Variants in RIPOR2 observed in about 807,000 individuals in gnomAD.
The protein encoded by RIPOR2 is RHO family interacting cell polarization regulator 2.
Under a neutral mutation model 114.5 loss-of-function variants are expected in RIPOR2, and 39 were observed. The observed-to-expected ratio is 0.34, with a 90% confidence interval of 0.26 to 0.44. The LOEUF is 0.44. RIPOR2 is among the 20% of genes least tolerant of loss of function. The pLI is 1.00. For missense variants in RIPOR2, 1,007 were observed against 1,255.1 expected (o/e 0.80, Z 2.99); for synonymous variants, 445 against 484.4 (o/e 0.92, Z 1.07).
At chr6:24,973,098 A>G (rs575843822) in intron 1 of RIPOR2, among the ~76,000 whole-genome samples, 112 of 152,254 alleles carry the variant, frequency 7.4e-4, no homozygotes, top group African/African-American at 2.5e-3. Context: ...GAAAGCATCT[A>G]TTAACATATA....
At chr6:24,906,652 T>C (rs1228198857) in intron 1 of RIPOR2, among the ~76,000 whole-genome samples, 2 of 152,172 alleles carry the variant, frequency 1.3e-5, no homozygotes, top group Non-Finnish European at 1.5e-5. Context: ...CACTTTTTCT[T>C]TTTCTTAAGG....
Position 25,024,405 on chromosome 6 carries a change from TC to T in RIPOR2, c.76+17445del, listed in dbSNP as rs1776501205. 4 of 1,162,968 alleles carry T rather than the reference TC, an allele frequency of 3.4e-6. No homozygotes were observed. The Admixed American group carries it at 6.8e-5, about 20-fold the overall frequency. 72.0% of individuals were successfully genotyped at this position (1,162,968 alleles called of 1,614,324 possible). On this transcript the variant is annotated intron_variant, in intron 1 of 13. Transcript: ENST00000510784. ...GTAGGCAATGACATCATAGCCTTGT[TC>T]CTTCACCCACACGAGGATGCAGGAG...
intron 1 of RIPOR2, among the ~76,000 whole-genome samples, chr6:24,909,493 T>G: frequency 6.6e-6 from 1 of 151,850 alleles, no homozygotes; most frequent in Non-Finnish European, 1.5e-5. Flanking sequence ...TGAGTGGGAA[T>G]ACCCGGGTAG....
intron 1 of RIPOR2, among the ~76,000 whole-genome samples, chr6:24,926,918 T>C (rs956403385): frequency 1.2e-4 from 18 of 146,766 alleles, no homozygotes; most frequent in African/African-American, 2.9e-4. Context: ...ACCACCACCA[T>C]CATCATCACC....
intron 1 of RIPOR2, among the ~76,000 whole-genome samples, chr6:24,909,728 C>G (rs1769358297): frequency 6.6e-6 from 1 of 152,092 alleles, no homozygotes; most frequent in Non-Finnish European, 1.5e-5. Flanking sequence ...AAGTGGGGAG[C>G]AGGGAGGAAA....
chr6:24,890,236 A>T (rs1767219785), intron 1 of RIPOR2, among the ~76,000 whole-genome samples: 1 of 152,174 alleles, frequency 6.6e-6, no homozygotes, highest in Admixed American at 6.5e-5. Flanking sequence ...CAATAGCAAA[A>T]CTATGAGATC....
chr6:24,982,544 T>A (rs1022392509), intron 1 of RIPOR2, among the ~76,000 whole-genome samples: 3 of 152,242 alleles, frequency 2.0e-5, no homozygotes, highest in African/African-American at 7.2e-5. Context: ...GCACCAAATA[T>A]TTATTAAGCC....
chr6:24,949,242 A>T (rs1772620081), intron 1 of RIPOR2, among the ~76,000 whole-genome samples: 1 of 152,208 alleles, frequency 6.6e-6, no homozygotes, highest in African/African-American at 2.4e-5. Context: ...GAAAGCAAGA[A>T]GATAGAAACA....
upstream of RIPOR2, among the ~76,000 whole-genome samples, chr6:24,940,750 A>G (rs1772085394): frequency 6.6e-6 from 1 of 151,802 alleles, no homozygotes; most frequent in Admixed American, 6.6e-5. Flanking sequence ...GGTTCAAGTG[A>G]TTCTCCTGCC....
chr6:24,971,473 T>C (rs763797269), intron 1 of RIPOR2, among the ~76,000 whole-genome samples: 10 of 152,254 alleles, frequency 6.6e-5, no homozygotes, highest in Non-Finnish European at 1.3e-4. Flanking sequence ...ATGGCTCTTT[T>C]CTATCACTGG....
intron 1 of RIPOR2, among the ~76,000 whole-genome samples, chr6:24,893,829 G>A (rs1358136533): frequency 6.6e-6 from 1 of 152,168 alleles, no homozygotes; most frequent in Admixed American, 6.5e-5. Context: ...AAGCTTGTGG[G>A]AATATTCTGG....
chr6:24,856,328 T>C (rs556065752), intron 8 of RIPOR2, among the ~76,000 whole-genome samples: 1 of 152,348 alleles, frequency 6.6e-6, no homozygotes, highest in South Asian at 2.1e-4. Flanking sequence ...GCCTGCATTC[T>C]ACTAATAATT....
chr6:24,848,257 C>T (rs1762519533), intron 11 of RIPOR2, 103 bp from the exon 12 acceptor site: 4 of 1,226,074 alleles, frequency 3.3e-6, no homozygotes, highest in Admixed American at 2.6e-5. Flanking sequence ...GTAAACTCAA[C>T]CAGAGGTTCA....
chr6:25,036,960 A>G (rs1385511616), intron 1 of RIPOR2, among the ~76,000 whole-genome samples: 14 of 152,108 alleles, frequency 9.2e-5, no homozygotes, highest in Non-Finnish European at 1.9e-4. Flanking sequence ...CCAGTATGAC[A>G]TGTCTCCCAT....
intron 9 of RIPOR2, among the ~76,000 whole-genome samples, chr6:24,850,954 G>A (rs567886968): frequency 2.0e-4 from 30 of 151,044 alleles, no homozygotes; most frequent in African/African-American, 6.1e-4. Flanking sequence ...GGAGTGCAAT[G>A]GTGTGATCTT....
At chr6:24,875,023 C>T (rs537864627) in intron 2 of RIPOR2, among the ~76,000 whole-genome samples, 36 of 152,216 alleles carry the variant, frequency 2.4e-4, no homozygotes, top group East Asian at 2.1e-3. Flanking sequence ...GTAGGAAAGC[C>T]GAGACCTCCG....
At chr6:24,927,974 T>C (rs1483647724) in intron 1 of RIPOR2, among the ~76,000 whole-genome samples, 1 of 152,252 alleles carries the variant, frequency 6.6e-6, no homozygotes, top group Non-Finnish European at 1.5e-5. Context: ...AAAAGGGGTC[T>C]GGGCCTTCTC....
At chr6:24,840,812 G>T (rs1761638946) in intron 13 of RIPOR2, 2 of 1,530,460 alleles carry the variant, frequency 1.3e-6, no homozygotes, top group Non-Finnish European at 8.8e-7. Flanking sequence ...AGAAAGCTTT[G>T]TCCAGCTGAT....
intron 7 of RIPOR2, among the ~76,000 whole-genome samples, chr6:24,863,088 G>A (rs547290700): frequency 6.6e-6 from 1 of 152,068 alleles, no homozygotes; most frequent in Non-Finnish European, 1.5e-5. Flanking sequence ...GAGTAGCTGG[G>A]ATTACAGGTG....
Sources: gnomAD v4.1 joint callset for allele counts (sites outside exome capture counted in the v4.1 genomes callset) on GRCh38, gnomAD v4.1.1 for gene constraint, MANE v1.5 for transcripts, NCBI Gene and HGNC (gene_info 2026-07-23, HGNC 2026-07-21) for gene names.